The following RPAP2 variants were observed in gnomAD, a reference collection of about 807,000 sequenced individuals.
The protein encoded by RPAP2 is RNA polymerase II associated protein 2, also known as putative RNA polymerase II subunit B1 CTD phosphatase RPAP2.
RPAP2 carries 52 observed loss-of-function variants against 73.1 expected under a neutral mutation model. The observed-to-expected ratio is 0.71, with a 90% CI of 0.57 to 0.90. The LOEUF (loss-of-function observed/expected upper bound fraction) is 0.90, where lower values mean the gene tolerates loss of function less well. Ranked by LOEUF, RPAP2 falls within the 40% of genes least tolerant of loss-of-function variation. The pLI, the probability that RPAP2 is intolerant of heterozygous loss-of-function variation, is 0.00. For missense variants in RPAP2, 598 were observed against 701.8 expected, an observed-to-expected ratio of 0.85 and a Z score of 1.67; for synonymous variants, 225 against 242.1, an observed-to-expected ratio of 0.93 and a Z score of 0.65.
chr1:92,321,917 T>C (rs965707773), intron 7 of RPAP2, among the ~76,000 whole-genome samples: 1 of 151,472 alleles, frequency 6.6e-6, no homozygotes, highest in African/African-American at 2.4e-5. Flanking sequence ...TTTTTTTATT[T>C]AAGAAACCGA....
chr1:92,339,268 G>C (rs1653462884), intron 10 of RPAP2, among the ~76,000 whole-genome samples: 1 of 152,130 alleles, frequency 6.6e-6, no homozygotes, highest in African/African-American at 2.4e-5. Flanking sequence ...AAGCTTATTA[G>C]AATCACCTAG....
intron 11 of RPAP2, among the ~76,000 whole-genome samples, chr1:92,357,752 G>A (rs923738714): frequency 6.6e-6 from 1 of 152,186 alleles, no homozygotes; most frequent in Non-Finnish European, 1.5e-5. Flanking sequence ...GGCTGGTCTC[G>A]AACTCTTGGC....
intron 6 of RPAP2, among the ~76,000 whole-genome samples, chr1:92,317,046 C>T (rs1651946510): frequency 6.6e-6 from 1 of 152,114 alleles, no homozygotes. Flanking sequence ...AGGGATTAAG[C>T]AAAGGTGGTA....
At chr1:92,378,299 G>T (rs146840748) in intron 11 of RPAP2, among the ~76,000 whole-genome samples, 2,559 of 152,138 alleles carry the variant, frequency 0.017, 37 homozygotes, top group Non-Finnish European at 0.022. Flanking sequence ...CCGCCTCCTG[G>T]GTTCAAGCGA....
chr1:92,299,130 C>T lies in RPAP2; in HGVS notation c.57C>T (p.Cys19=). ...GCCGCAAGGCCGGGGCTCCCCGCTG[C>T]TCTCGAAAAGCCGCAGGTAGGAGCA... ...SAGRKAGAPR[C]SRKAAGTKQT... is the part of the protein sequence containing the mutation. The change falls in exon 1 of 13, where the codon TGC becomes TGT. Residue 19 remains cysteine (C), a synonymous_variant. Coordinates refer to ENST00000610020, the MANE Select transcript of RPAP2 (RefSeq NM_024813.3). 6.6e-7 allele frequency: 1 copy of T among 1,519,910 alleles called. No individual in the cohort carries two copies. The highest frequency in any genetic ancestry group is 2.6e-5 in the East Asian group (1 of 39,158). The allele number at this position is 1,519,910 out of a possible 1,614,324, so 94.2% of individuals were successfully genotyped here.
At position 92,324,131 on chromosome 1, in the gene RPAP2, A is replaced by G. The variant is rs751076963; in HGVS notation, c.1211A>G (p.Lys404Arg). ...VCLKPEASLV[K>R]EELDEDDIIS... is the part of the protein sequence containing the mutation. ...CTGAAACCCGAAGCCTCTCTGGTTAAAGAAGAACTTGATGAAGATGACATA... is the reference window on the plus strand; with the variant it reads ...CTGAAACCCGAAGCCTCTCTGGTTAGAGAAGAACTTGATGAAGATGACATA... The change falls in exon 8 of 13, where the codon AAA becomes AGA. Residue 404 changes from lysine to arginine, a missense_variant. This residue lies in a region of RPAP2 where 506 missense variants were observed against 612.8 expected (regional missense o/e 0.83). Coordinates refer to ENST00000610020, the MANE Select transcript of RPAP2 (RefSeq NM_024813.3). The G allele has an allele frequency of 3.2e-5, 52 of 1,614,144 alleles. No homozygotes were observed. Among genetic ancestry groups the G allele is most frequent in the Non-Finnish European group, 4.2e-5 (50 of 1,180,000 alleles).
chr1:92,377,711 A>T (rs1236045852), intron 11 of RPAP2, among the ~76,000 whole-genome samples: 1 of 152,164 alleles, frequency 6.6e-6, no homozygotes, highest in Non-Finnish European at 1.5e-5. Context: ...ATAGATGAGC[A>T]GTATTTGCCA....
chr1:92,303,885 G>A, intron 3 of RPAP2, 92 bp from the exon 4 acceptor site: 4 of 771,530 alleles, frequency 5.2e-6, no homozygotes, highest in Non-Finnish European at 8.2e-6. Context: ...TGCTATCCCT[G>A]TGTTTTCAGA....
In RPAP2 at chr1:92,304,330, A is replaced by T. The variant is rs755556221; in HGVS notation, c.380A>T (p.Tyr127Phe). The T allele has an allele frequency of 1.7e-5, 26 of 1,522,862 alleles. No homozygotes were observed. In the Admixed American group the frequency reaches 4.5e-4, roughly 26 times the overall value. The allele number at this position is 1,522,862 out of a possible 1,614,324, so 94.3% of individuals were successfully genotyped here. The change falls in exon 5 of 13, where the codon TAT becomes TTT. Residue 127 changes from tyrosine (Y) to phenylalanine (F), a missense_variant. By Grantham distance (22) the Tyr-to-Phe change is conservative. Coordinates refer to ENST00000610020, the MANE Select transcript of RPAP2 (RefSeq NM_024813.3). ...ATTTCTACCAAAACCAATAAAGTCT[A>T]TGATATTACTGAAAGAAAGGTGAGT... Reference protein sequence around the residue: ...YKISTKTNKVYDITERKSFCS... With the variant: ...YKISTKTNKVFDITERKSFCS...
At chr1:92,371,313 AAAAAAAATATATAT>A (rs1557628914) in intron 11 of RPAP2, among the ~76,000 whole-genome samples, 1 of 138,178 alleles carries the variant, frequency 7.2e-6, no homozygotes, top group Admixed American at 7.4e-5. Context: ...TCAAAAAAAA[AAAAAAAATATATAT>A]ATATATATAT....
chr1:92,315,167 T>C (rs1651836967), intron 6 of RPAP2, among the ~76,000 whole-genome samples: 2 of 152,086 alleles, frequency 1.3e-5, no homozygotes, highest in Admixed American at 6.6e-5. Context: ...AGTCTTCCAT[T>C]GTAAAGTTAC....
chr1:92,352,618 T>C (rs182383572), intron 11 of RPAP2, among the ~76,000 whole-genome samples: 77 of 152,370 alleles, frequency 5.1e-4, no homozygotes, highest in Non-Finnish European at 9.6e-4. Context: ...TTGAAGATCA[T>C]TGAAATTACT....
chr1:92,353,972 A>G (rs1205910979), intron 11 of RPAP2, among the ~76,000 whole-genome samples: 3 of 151,820 alleles, frequency 2.0e-5, no homozygotes, highest in Non-Finnish European at 4.4e-5. Flanking sequence ...TCTTTTTTTT[A>G]TTCATAAGTA....
chr1:92,317,440 G>A (rs766400398), intron 6 of RPAP2, among the ~76,000 whole-genome samples: 1 of 151,940 alleles, frequency 6.6e-6, no homozygotes, highest in Non-Finnish European at 1.5e-5. Context: ...CCTGGGAGGC[G>A]GAGGTTGCAG....
intron 6 of RPAP2, among the ~76,000 whole-genome samples, chr1:92,315,277 C>T (rs1320532670): frequency 6.6e-6 from 1 of 152,140 alleles, no homozygotes; most frequent in Non-Finnish European, 1.5e-5. Flanking sequence ...TCAGTCAGAA[C>T]ACACACATTT....
chr1:92,338,454 C>T (rs1216023940), intron 10 of RPAP2, among the ~76,000 whole-genome samples: 1 of 152,036 alleles, frequency 6.6e-6, no homozygotes, highest in Non-Finnish European at 1.5e-5. Flanking sequence ...TATCACAGAA[C>T]CATGCATCCA....
At chr1:92,352,521 T>C (rs1654270403) in intron 11 of RPAP2, among the ~76,000 whole-genome samples, 1 of 152,186 alleles carries the variant, frequency 6.6e-6, no homozygotes, top group Non-Finnish European at 1.5e-5. Flanking sequence ...AACAAAGAGA[T>C]GGTTCCTTAG....
chr1:92,382,085 C>A (rs1446323971), intron 12 of RPAP2, among the ~76,000 whole-genome samples: 1 of 152,178 alleles, frequency 6.6e-6, no homozygotes, highest in South Asian at 2.1e-4. Flanking sequence ...CATGTCCCTA[C>A]AAAGGACATG....
intron 11 of RPAP2, among the ~76,000 whole-genome samples, chr1:92,368,729 T>C (rs1052037168): frequency 7.9e-5 from 12 of 152,348 alleles, no homozygotes; most frequent in African/African-American, 2.9e-4. Flanking sequence ...TGTTGTTTGA[T>C]AGCTCAGTAA....
Sources: gnomAD v4.1 joint callset for allele counts (sites outside exome capture counted in the v4.1 genomes callset) on GRCh38, gnomAD v4.1.1 for gene constraint, gnomAD v4.1.1 regional missense constraint, MANE v1.5 for transcripts, NCBI Gene and HGNC (gene_info 2026-07-23, HGNC 2026-07-21) for gene names.